The following TAF5 variants were observed in gnomAD, a reference collection of about 807,000 sequenced individuals.
The protein encoded by TAF5 is transcription initiation factor TFIID subunit 5.
A neutral mutation model predicts 80.9 loss-of-function variants in TAF5; 20 were observed. The observed-to-expected ratio is 0.25, with a 90% confidence interval of 0.17 to 0.36. The LOEUF (loss-of-function observed/expected upper bound fraction) is 0.36. Ranked by LOEUF, TAF5 falls within the 10% of genes least tolerant of loss-of-function variation. TAF5 has a pLI of 1.00. For synonymous variants in TAF5, 388 were observed against 406.4 expected (o/e 0.95, Z 0.55); for missense variants, 863 against 1,029.4 (o/e 0.84, Z 2.21).
At chr10:103,368,637 C>T in intron 1 of TAF5, 89 bp downstream of exon 1, 3 of 1,380,982 alleles carry the variant, frequency 2.2e-6, no homozygotes, top group Non-Finnish European at 2.8e-6. Context: ...CCTCTGCGGG[C>T]TTGTTTTGAA....
chr10:103,380,108 A>C, intron 5 of TAF5, 89 bp downstream of exon 5: 2 of 1,411,292 alleles, frequency 1.4e-6, no homozygotes, highest in South Asian at 1.5e-5. Context: ...ATTAGCTAAA[A>C]TGGAGTTTCG....
chr10:103,380,072 T>G, intron 5 of TAF5, 53 bp downstream of exon 5: 2 of 1,565,738 alleles, frequency 1.3e-6, no homozygotes, highest in Non-Finnish European at 1.7e-6. Flanking sequence ...AGGATGATGA[T>G]TTACCATTAA....
intron 2 of TAF5, among the ~76,000 whole-genome samples, chr10:103,375,124 A>AC (rs2093367633): frequency 6.6e-6 from 1 of 151,328 alleles, no homozygotes; most frequent in Admixed American, 6.6e-5. Context: ...TGTCTCAAAA[A>AC]AAAAAAAAAA....
At chr10:103,385,925 C>CAA (rs761128565) in intron 8 of TAF5, among the ~76,000 whole-genome samples, 45 of 41,182 alleles carry the variant, frequency 1.1e-3, no homozygotes, top group Admixed American at 1.8e-3. Context: ...GACTTCATCT[C>CAA]AAAAAAAAAA....
intron 1 of TAF5, among the ~76,000 whole-genome samples, chr10:103,372,083 C>G (rs1357286942): frequency 6.6e-6 from 1 of 151,256 alleles, no homozygotes; most frequent in Admixed American, 6.6e-5. Context: ...ATTACAGGCA[C>G]GTCTCATCAC....
chr10:103,379,169 G>A (rs1415595981), intron 3 of TAF5, among the ~76,000 whole-genome samples: 1 of 152,152 alleles, frequency 6.6e-6, no homozygotes, highest in Non-Finnish European at 1.5e-5. Flanking sequence ...GGCTCCTTCT[G>A]GTTTCTGATC....
chr10:103,383,954 C>T (rs1241242064), intron 7 of TAF5, among the ~76,000 whole-genome samples: 2 of 148,678 alleles, frequency 1.3e-5, no homozygotes, highest in African/African-American at 2.5e-5. Flanking sequence ...TAGTATTTCC[C>T]TTTTTTTTTT....
In TAF5 at chr10:103,368,016, G is replaced by C. The variant is rs1223708963; in HGVS notation, c.27G>C (p.Thr9=). 1.4e-6 allele frequency: 2 copies of C among 1,465,916 alleles called. No individual in the cohort carries two copies. The highest frequency in any genetic ancestry group is 1.8e-6 in the Non-Finnish European group (2 of 1,115,046). 90.8% of individuals were successfully genotyped at this position (1,465,916 alleles called of 1,614,324 possible). A position where few individuals can be genotyped will look rare whatever the true frequency, so the allele number is the denominator to read the frequency against. The change falls in exon 1 of 11, where the codon ACG becomes ACC. Residue 9 remains threonine, a synonymous_variant. Transcript: ENST00000369839. The stretch of plus-strand genomic sequence containing the variant: ...TGGCGGCGCTGGCGGAGGAGCAGAC[G>C]GAGGTGGCGGTCAAGCTAGAGCCTG... The part of the protein sequence containing the change: MAALAEEQ[T]EVAVKLEPEG...
At chr10:103,373,682 A>T in intron 2 of TAF5, 87 bp downstream of exon 2, 2 of 986,902 alleles carry the variant, frequency 2.0e-6, no homozygotes, top group Non-Finnish European at 2.9e-6. Flanking sequence ...TAACCACAAA[A>T]ATGTAAGACT....
chr10:103,379,538 C>A, intron 3 of TAF5, 70 bp from the exon 4 acceptor site: 1 of 1,268,456 alleles, frequency 7.9e-7, no homozygotes, highest in Non-Finnish European at 1.1e-6. Context: ...GTGATTTATC[C>A]TATCAAGATG....
At chr10:103,375,435 A>G (rs2093368313) in intron 2 of TAF5, among the ~76,000 whole-genome samples, 1 of 152,134 alleles carries the variant, frequency 6.6e-6, no homozygotes, top group African/African-American at 2.4e-5. Context: ...AATTCCTGAC[A>G]CAGAAAACCC....
chr10:103,385,074 G>T (rs995486497), intron 7 of TAF5, among the ~76,000 whole-genome samples: 9 of 151,894 alleles, frequency 5.9e-5, no homozygotes, highest in African/African-American at 1.2e-4. Context: ...CTAAGTTTTT[G>T]TATCATATTA....
intron 9 of TAF5, 56 bp from the exon 10 acceptor site, chr10:103,387,465 A>C: frequency 1.3e-6 from 2 of 1,555,118 alleles, no homozygotes; most frequent in Non-Finnish European, 1.7e-6. Flanking sequence ...AAAACTTTAA[A>C]ATTTTGTCTT....
At chr10:103,385,598 C>A in intron 8 of TAF5, 108 bp downstream of exon 8, 1 of 1,256,184 alleles carries the variant, frequency 8.0e-7, no homozygotes. Context: ...TATTGAGGTT[C>A]AACTTTCTGA....
intron 5 of TAF5, among the ~76,000 whole-genome samples, chr10:103,380,456 C>T (rs1373470477): frequency 6.6e-6 from 1 of 151,932 alleles, no homozygotes; most frequent in Non-Finnish European, 1.5e-5. Context: ...TTAAAGACAG[C>T]ATTCAGGAAG....
Position 103,388,200 on chromosome 10 carries a change from G to T in TAF5, c.2380G>T (p.Ala794Ser), listed in dbSNP as rs1273355062. 1.2e-6 allele frequency: 2 copies of T among 1,613,774 alleles called. No individual in the cohort carries two copies. Among genetic ancestry groups the T allele is most frequent in the Non-Finnish European group, 1.7e-6 (2 of 1,179,942 alleles). ...TACTCGAAGAAACCTGGTTCTAGCT[G>T]CAGGAGCTTATAGTCCACAATAAAC... ...HFTRRNLVLA[A>S]GAYSPQ The change falls in exon 11 of 11, where the codon GCA (alanine) becomes TCA (serine). Residue 794 changes from alanine to serine, a missense_variant. Ala to Ser is a moderately conservative substitution (Grantham distance 99, BLOSUM62 1). Around this residue, in one of 3 missense-constraint regions of TAF5, gnomAD observed 368 missense variants for 461.7 expected, o/e 0.80. Coordinates refer to ENST00000369839, the MANE Select transcript of TAF5 (RefSeq NM_006951.5).
At chr10:103,380,096 G>T (rs189520220) in intron 5 of TAF5, 77 bp downstream of exon 5, 3 of 1,435,888 alleles carry the variant, frequency 2.1e-6, no homozygotes, top group Admixed American at 2.4e-5. Context: ...AGAAACAAAT[G>T]TATTAGCTAA....
intron 2 of TAF5, among the ~76,000 whole-genome samples, chr10:103,375,369 T>C (rs2093368183): frequency 6.6e-6 from 1 of 151,976 alleles, no homozygotes; most frequent in Admixed American, 6.6e-5. Flanking sequence ...GTGAGGGAGA[T>C]GGAGATATCA....
chr10:103,382,655 T>A (rs1056719395), intron 6 of TAF5, among the ~76,000 whole-genome samples: 6 of 151,880 alleles, frequency 4.0e-5, no homozygotes, highest in South Asian at 2.1e-4. Flanking sequence ...TTTTTAATTT[T>A]AAATTTTTTT....
Sources: allele counts gnomAD v4.1 joint callset (sites outside exome capture counted in the v4.1 genomes callset), GRCh38; gene constraint gnomAD v4.1.1; regional missense constraint gnomAD v4.1.1; transcripts MANE v1.5; gene names NCBI Gene and HGNC (gene_info 2026-07-23, HGNC 2026-07-21).